CCNYL1: variants seen among roughly 807,000 people sequenced by gnomAD.
CCNYL1 encodes cyclin-Y-like protein 1.
Under a neutral mutation model 44.2 loss-of-function variants are expected in CCNYL1, and 16 were observed. The observed-to-expected ratio is 0.36, with a 90% CI of 0.25 to 0.55. The LOEUF is 0.55. Among genes scored for constraint, CCNYL1 ranks in the 20% least tolerant of loss-of-function variants. The pLI, the probability that CCNYL1 is intolerant of heterozygous loss-of-function variation, is 0.85. For missense variants in CCNYL1, 348 were observed against 451.8 expected (o/e 0.77, Z 2.08); for synonymous variants, 159 against 163.2 (o/e 0.97, Z 0.20).
chr2:207,732,997 A>T (rs1381242561), intron 3 of CCNYL1, among the ~76,000 whole-genome samples: 1 of 152,182 alleles, frequency 6.6e-6, no homozygotes, highest in Non-Finnish European at 1.5e-5. Context: ...GGAGAAGCTT[A>T]CTTTCTTGTG....
At chr2:207,726,378 G>A (rs1028033234) in intron 2 of CCNYL1, among the ~76,000 whole-genome samples, 2 of 152,206 alleles carry the variant, frequency 1.3e-5, no homozygotes, top group Admixed American at 6.5e-5. Context: ...ACCAGTAAGT[G>A]GTTCAGGATG....
At chr2:207,732,472 C>T (rs2091735579) in intron 3 of CCNYL1, among the ~76,000 whole-genome samples, 1 of 152,256 alleles carries the variant, frequency 6.6e-6, no homozygotes, top group South Asian at 2.1e-4. Context: ...TTTTTAAAAG[C>T]AATGACTAGA....
intron 5 of CCNYL1, among the ~76,000 whole-genome samples, chr2:207,740,091 A>G (rs1290871436): frequency 1.3e-5 from 2 of 152,224 alleles, no homozygotes; most frequent in East Asian, 1.9e-4. Context: ...TTGGAGAACC[A>G]CTGGTTTTAT....
At chr2:207,723,830 G>A (rs1447975334) in intron 1 of CCNYL1, among the ~76,000 whole-genome samples, 3 of 144,372 alleles carry the variant, frequency 2.1e-5, no homozygotes, top group African/African-American at 5.3e-5. Context: ...AGCTGAGACC[G>A]TGCCACTGCA....
intron 1 of CCNYL1, among the ~76,000 whole-genome samples, chr2:207,713,113 GGTT>G (rs1251723366): frequency 1.3e-5 from 2 of 152,178 alleles, no homozygotes; most frequent in East Asian, 1.9e-4. Flanking sequence ...CGCGCCCAGA[GGTT>G]GTTAACTCAA....
Position 207,711,718 on chromosome 2 carries a change from G to C in CCNYL1, c.-179G>C, listed in dbSNP as rs1216381145. The C allele has an allele frequency of 4.7e-6, 1 of 210,804 alleles. No individual in the cohort carries two copies. The highest frequency in any genetic ancestry group is 9.1e-6 in the Non-Finnish European group (1 of 109,804). 13.1% of individuals were successfully genotyped at this position (210,804 alleles called of 1,614,324 possible). The stretch of plus-strand genomic sequence containing the variant: ...CGAGGCCCGAGCCCTGCCCGGGGCC[G>C]GGCCGCGGGGCGGGCGGGCGAACCG... On this transcript the variant is annotated 5_prime_UTR_variant, in exon 1 of 10. Coordinates refer to ENST00000295414, the MANE Select transcript of CCNYL1 (RefSeq NM_001330218.2).
chr2:207,713,165 C>T (rs779351072), intron 1 of CCNYL1, among the ~76,000 whole-genome samples: 15 of 152,130 alleles, frequency 9.9e-5, no homozygotes, highest in Non-Finnish European at 1.9e-4. Flanking sequence ...TTTAAAATTC[C>T]CACGGTGGCA....
At chr2:207,740,338 A>G (rs2091798801) in intron 5 of CCNYL1, among the ~76,000 whole-genome samples, 1 of 152,202 alleles carries the variant, frequency 6.6e-6, no homozygotes. Context: ...AACGTTCTTG[A>G]GTTCCAATGA....
chr2:207,750,617 C>T (rs945707614), intron 8 of CCNYL1: 1 of 179,734 alleles, frequency 5.6e-6, no homozygotes, highest in African/African-American at 2.3e-5. Flanking sequence ...TACATCATTC[C>T]TTTCATCTGA....
intron 1 of CCNYL1, among the ~76,000 whole-genome samples, chr2:207,713,902 C>T (rs2091572645): frequency 6.6e-6 from 1 of 152,152 alleles, no homozygotes; most frequent in Non-Finnish European, 1.5e-5. Flanking sequence ...GTCAGGTAAG[C>T]CTCTGAGTGA....
chr2:207,730,003 G>A (rs1408791099), intron 3 of CCNYL1, among the ~76,000 whole-genome samples: 1 of 152,040 alleles, frequency 6.6e-6, no homozygotes. Flanking sequence ...GTGAGTCACT[G>A]TGCCCTGCTG....
At chr2:207,722,955 C>A (rs2551954) in intron 1 of CCNYL1, among the ~76,000 whole-genome samples, 23,353 of 149,098 alleles carry the variant, frequency 0.16, 2,992 homozygotes, top group East Asian at 0.39. Flanking sequence ...TGAGACTCTT[C>A]TCTCGGAAAA....
chr2:207,713,745 C>G (rs530516755), intron 1 of CCNYL1, among the ~76,000 whole-genome samples: 26 of 152,212 alleles, frequency 1.7e-4, no homozygotes, highest in African/African-American at 6.0e-4. Flanking sequence ...ATGGACATGC[C>G]TTTGTAACTA....
At chr2:207,727,944 C>T (rs1284784163) in intron 3 of CCNYL1, among the ~76,000 whole-genome samples, 3 of 151,846 alleles carry the variant, frequency 2.0e-5, no homozygotes, top group Non-Finnish European at 2.9e-5. Context: ...AAAACCTCCC[C>T]TATTTCTTTC....
At chr2:207,717,592 G>T (rs1283022028) in intron 1 of CCNYL1, among the ~76,000 whole-genome samples, 3 of 152,174 alleles carry the variant, frequency 2.0e-5, no homozygotes. Context: ...TTACATGGGG[G>T]TTGTGGGGAT....
intron 3 of CCNYL1, among the ~76,000 whole-genome samples, chr2:207,729,766 C>T (rs566908058): frequency 1.3e-5 from 2 of 152,032 alleles, no homozygotes; most frequent in African/African-American, 2.4e-5. Context: ...AGTGCAGTGG[C>T]GTGATCTCAG....
At chr2:207,747,272 A>C in intron 8 of CCNYL1, 59 bp downstream of exon 8, 7 of 1,441,404 alleles carry the variant, frequency 4.9e-6, no homozygotes, top group Non-Finnish European at 6.6e-6. Context: ...TATTCCTATA[A>C]AGTTAACAAT....
Position 207,754,017 on chromosome 2 carries a change from C to T in CCNYL1, c.*319C>T, listed in dbSNP as rs1575227629. On this transcript the variant is annotated 3_prime_UTR_variant, in exon 10 of 10. Transcript: ENST00000295414. ...TGTGAACTATGTAAGGTTTTTTAAA[C>T]AATAGTTTAAATTTTTAGACTTTAA... 4.7e-6 allele frequency: 1 copy of T among 211,070 alleles called. No individual in the cohort carries two copies. The highest frequency in any genetic ancestry group is 1.0e-4 in the East Asian group (1 of 9,532). 13.1% of individuals were successfully genotyped at this position (211,070 alleles called of 1,614,324 possible).
At chr2:207,747,474 T>C (rs1195500990) in intron 8 of CCNYL1, among the ~76,000 whole-genome samples, 1 of 151,172 alleles carries the variant, frequency 6.6e-6, no homozygotes, top group Non-Finnish European at 1.5e-5. Context: ...TTGAAAAATA[T>C]TTTTTGGGTG....
Sources: allele counts gnomAD v4.1 joint callset (sites outside exome capture counted in the v4.1 genomes callset), GRCh38; gene constraint gnomAD v4.1.1; transcripts MANE v1.5; gene names NCBI Gene and HGNC (gene_info 2026-07-23, HGNC 2026-07-21).